The following ITPR2 variants were observed in gnomAD, a reference collection of about 807,000 sequenced individuals.
ITPR2 encodes inositol 1,4,5-trisphosphate receptor type 2.
ITPR2 carries 207 observed loss-of-function variants against 317.1 expected under a neutral mutation model. The observed-to-expected ratio is 0.65, with a 90% CI of 0.58 to 0.73. The LOEUF (loss-of-function observed/expected upper bound fraction) is 0.73. Among genes scored for constraint, ITPR2 ranks in the 30% least tolerant of loss-of-function variants. ITPR2 has a pLI of 0.00. For synonymous variants in ITPR2, 1,156 were observed against 1,149.1 expected (o/e 1.01, Z -0.12); for missense variants, 2,613 against 3,284.0 (o/e 0.80, Z 4.99).
intron 37 of ITPR2, among the ~76,000 whole-genome samples, chr12:26,539,984 T>C (rs1944212679): frequency 6.6e-6 from 1 of 152,234 alleles, no homozygotes; most frequent in South Asian, 2.1e-4. Context: ...AGCAACTAAG[T>C]GCAGGGCACA....
intron 37 of ITPR2, among the ~76,000 whole-genome samples, chr12:26,496,279 C>T (rs1942929177): frequency 1.3e-5 from 2 of 152,226 alleles, no homozygotes; most frequent in Admixed American, 6.5e-5. Flanking sequence ...CCTGATTCAA[C>T]TCTTGGCTAC....
At chr12:26,373,819 G>C (rs1013892138) in intron 55 of ITPR2, 1 of 152,178 alleles carries the variant, frequency 6.6e-6, no homozygotes, top group Non-Finnish European at 1.5e-5. Flanking sequence ...CTGATTACAT[G>C]TGTGAAAAAT....
chr12:26,597,684 C>T (rs530950021), intron 30 of ITPR2, among the ~76,000 whole-genome samples: 12 of 152,018 alleles, frequency 7.9e-5, no homozygotes, highest in Admixed American at 2.6e-4. Flanking sequence ...ACCAAAAAAC[C>T]GAGAGAAACA....
At chr12:26,481,829 G>C (rs1942551267) in intron 42 of ITPR2, among the ~76,000 whole-genome samples, 1 of 152,194 alleles carries the variant, frequency 6.6e-6, no homozygotes, top group African/African-American at 2.4e-5. Flanking sequence ...ATGGCTGAAG[G>C]AAAAATTTAC....
intron 14 of ITPR2, 53 bp from the exon 15 acceptor site, chr12:26,663,899 C>A: frequency 8.2e-7 from 1 of 1,217,894 alleles, no homozygotes; most frequent in Non-Finnish European, 1.1e-6. Context: ...GTTTTGCAAC[C>A]TTTTTTTTTT....
At chr12:26,811,036 CAAAAAAAAAAAAAA>C (rs79796097) in intron 1 of ITPR2, among the ~76,000 whole-genome samples, 5 of 108,288 alleles carry the variant, frequency 4.6e-5, no homozygotes, top group East Asian at 2.7e-4. Flanking sequence ...TTTTAAGTTA[CAAAAAAAAAAAAAA>C]AAAAAAAAAA....
intron 37 of ITPR2, among the ~76,000 whole-genome samples, chr12:26,532,513 T>C (rs1943970310): frequency 6.6e-6 from 1 of 152,182 alleles, no homozygotes; most frequent in Non-Finnish European, 1.5e-5. Flanking sequence ...GCTAAGTAGC[T>C]GGGGCTACAG....
chr12:26,759,904 G>A (rs1291861154), intron 2 of ITPR2, among the ~76,000 whole-genome samples: 7 of 152,176 alleles, frequency 4.6e-5, no homozygotes, highest in African/African-American at 1.7e-4. Context: ...GCATTTCAAG[G>A]AAGAAAGAAA....
At chr12:26,803,962 AT>A (rs1219809195) in intron 1 of ITPR2, among the ~76,000 whole-genome samples, 5 of 152,186 alleles carry the variant, frequency 3.3e-5, no homozygotes, top group Admixed American at 6.5e-5. Context: ...TACACATTAT[AT>A]ACAGGTAACA....
intron 36 of ITPR2, among the ~76,000 whole-genome samples, chr12:26,550,775 T>C (rs545614291): frequency 6.8e-4 from 104 of 152,274 alleles, no homozygotes; most frequent in Non-Finnish European, 1.3e-3. Context: ...AGTGGCTGTA[T>C]ACAACTCTGC....
intron 30 of ITPR2, 127 bp downstream of exon 30, chr12:26,599,018 A>G (rs1945924728): frequency 2.6e-6 from 2 of 768,734 alleles, no homozygotes; most frequent in African/African-American, 1.7e-5. Flanking sequence ...TTTGCACTTG[A>G]GTAGTCATGA....
intron 45 of ITPR2, among the ~76,000 whole-genome samples, chr12:26,446,732 CAA>C (rs34601956): frequency 3.3e-5 from 4 of 122,766 alleles, no homozygotes; most frequent in South Asian, 5.4e-4. Context: ...AAAAGGGACT[CAA>C]AAAAAAAAAA....
At chr12:26,784,106 T>C (rs972124096) in intron 2 of ITPR2, among the ~76,000 whole-genome samples, 3 of 151,762 alleles carry the variant, frequency 2.0e-5, no homozygotes, top group South Asian at 2.1e-4. Flanking sequence ...AATGTACAAA[T>C]GGTAAATTCT....
chr12:26,727,976 T>C (rs1203491653), intron 2 of ITPR2, among the ~76,000 whole-genome samples: 2 of 152,140 alleles, frequency 1.3e-5, no homozygotes, highest in African/African-American at 4.8e-5. Context: ...CGAAGAATGC[T>C]AAGGGACCCC....
In ITPR2 at chr12:26,477,013, G is replaced by A; in HGVS notation, c.6124-6C>T. 3.8e-6 allele frequency: 6 copies of A among 1,578,116 alleles called. No homozygotes were observed. Among genetic ancestry groups the A allele is most frequent in the Non-Finnish European group, 4.4e-6 (5 of 1,148,350 alleles). On this transcript the variant is annotated splice_region_variant and splice_polypyrimidine_tract_variant and intron_variant, in intron 43 of 56. Coordinates refer to ENST00000381340, the MANE Select transcript of ITPR2 (RefSeq NM_002223.4). ...AAAAGTTTAGATGCATTGTTCTAGA[G>A]ACACAGATTGAGTTAATGTGCATGC...
chr12:26,731,315 G>A (rs773663654), intron 2 of ITPR2, among the ~76,000 whole-genome samples: 8 of 152,162 alleles, frequency 5.3e-5, no homozygotes, highest in Non-Finnish European at 1.2e-4. Context: ...GGTGGGGAGG[G>A]AAAGCCTCGG....
At chr12:26,758,202 T>C (rs73296583) in intron 2 of ITPR2, among the ~76,000 whole-genome samples, 1,832 of 152,294 alleles carry the variant, frequency 0.012, 41 homozygotes, top group African/African-American at 0.041. Flanking sequence ...ACCTTCTTAC[T>C]TCCTTAGAGA....
chr12:26,552,172 T>C (rs1400826435), intron 36 of ITPR2, among the ~76,000 whole-genome samples: 15 of 151,996 alleles, frequency 9.9e-5, no homozygotes. Flanking sequence ...ACTAGGCTAA[T>C]GTGTGGATGG....
At chr12:26,636,021 G>A (rs1946856037) in intron 21 of ITPR2, among the ~76,000 whole-genome samples, 1 of 152,218 alleles carries the variant, frequency 6.6e-6, no homozygotes, top group South Asian at 2.1e-4. Flanking sequence ...CTAACCAGCA[G>A]TCCCAATTCC....
Sources: allele counts gnomAD v4.1 joint callset (sites outside exome capture counted in the v4.1 genomes callset), GRCh38; gene constraint gnomAD v4.1.1; transcripts MANE v1.5; gene names NCBI Gene and HGNC (gene_info 2026-07-23, HGNC 2026-07-21).